Variants in CELSR3 observed in about 807,000 individuals in gnomAD.
CELSR3 encodes EGF-like protein 1.
CELSR3 carries 73 observed loss-of-function variants against 270.0 expected under a neutral mutation model. The observed-to-expected ratio is 0.27, with a 90% CI of 0.22 to 0.33. The LOEUF (loss-of-function observed/expected upper bound fraction) is 0.33, where lower values mean the gene tolerates loss of function less well. Among genes scored for constraint, CELSR3 ranks in the 10% least tolerant of loss-of-function variants. CELSR3 has a pLI of 1.00. For missense variants in CELSR3, 3,614 were observed against 4,533.8 expected (o/e 0.80, Z 5.83); for synonymous variants, 1,780 against 1,905.4 (o/e 0.93, Z 1.71).
chr3:48,644,422 T>A lies in CELSR3; in HGVS notation c.8086-127A>T, dbSNP rs372870418. The A allele has an allele frequency of 1.2e-6, 1 of 817,466 alleles. No homozygotes were observed. Among genetic ancestry groups the A allele is most frequent in the African/African-American group, 1.7e-5 (1 of 58,800 alleles). The allele number at this position is 817,466 out of a possible 1,614,324, so 50.6% of individuals were successfully genotyped here. On this transcript the variant is annotated intron_variant, in intron 26 of 34. Coordinates refer to ENST00000164024, the MANE Select transcript of CELSR3 (RefSeq NM_001407.3). The surrounding 1 kb of genome is among the most constrained non-coding windows in gnomAD (Gnocchi z 4.8). ...AGAACCAGTGAGAAATTCACACATATACACACACACCAAAGGAGCTTAGCA... is the reference window on the plus strand; with the variant it reads ...AGAACCAGTGAGAAATTCACACATAAACACACACACCAAAGGAGCTTAGCA...
In CELSR3 at chr3:48,658,094, T is replaced by C. The variant is rs960143426; in HGVS notation, c.3749-746A>G. Among the ~76,000 whole-genome samples the C allele has an allele frequency of 6.6e-6, 1 of 152,212 alleles. No homozygotes were observed. Among genetic ancestry groups the C allele is most frequent in the African/African-American group, 2.4e-5 (1 of 41,452 alleles). On this transcript the variant is annotated intron_variant, in intron 1 of 34. Transcript: ENST00000164024. This position sits in a 1 kb window ranked among gnomAD's most constrained non-coding sequence, Gnocchi z 4.7. ...AAGGTGAGGTGCTTAGCTGCCTTGT[T>C]CGTCTTGTCCCCACACCCTAGCACA...
Position 48,654,767 on chromosome 3 carries a change from G to A in CELSR3, c.4988+277C>T, listed in dbSNP as rs547771937. On this transcript the variant is annotated intron_variant, in intron 6 of 34. Transcript: ENST00000164024. This position sits in a 1 kb window ranked among gnomAD's most constrained non-coding sequence, Gnocchi z 5.4. Reference sequence around the variant, plus strand: ...GACTGGACATGAGATGAAGGGACTCGGAGGGGATGTGGGACATTAGTGAGA... The same window carrying A: ...GACTGGACATGAGATGAAGGGACTCAGAGGGGATGTGGGACATTAGTGAGA... 2.0e-5 allele frequency among the ~76,000 whole-genome samples: 3 copies of A among 152,064 alleles called. No individual in the cohort carries two copies. The highest frequency in any genetic ancestry group is 4.2e-4 in the South Asian group (2 of 4,816).
rs995615496 is a variant in CELSR3 at position 48,648,894 on chromosome 3, T to A, written c.6602A>T (p.Asp2201Val). The A allele has an allele frequency of 4.3e-6, 7 of 1,612,846 alleles. No homozygotes were observed. The highest frequency in any genetic ancestry group is 5.9e-6 in the Non-Finnish European group (7 of 1,180,008). ...AGCCAGCTTCTTGGCCTCCATGGTA[T>A]CCAGTGCCGTCTTGTTCAGCTCTAG... Reference protein sequence around the residue: ...DGLELNKTALDTMEAKKLAQR... With the variant: ...DGLELNKTALVTMEAKKLAQR... The change falls in exon 18 of 35, where the codon GAT (aspartate) becomes GTT (valine). Residue 2201 changes from aspartate to valine, a missense_variant. Physicochemically the swap from Asp to Val is radical, Grantham distance 152. Coordinates refer to ENST00000164024, the MANE Select transcript of CELSR3 (RefSeq NM_001407.3).
chr3:48,646,357 G>A lies in CELSR3; in HGVS notation c.7296-100C>T. ...ATGCCACTCGCCAGGGCTGACCCAGGGTCTGGGATGTCCCCAGAGTGGAAG... is the reference window on the plus strand; with the variant it reads ...ATGCCACTCGCCAGGGCTGACCCAGAGTCTGGGATGTCCCCAGAGTGGAAG... On this transcript the variant is annotated intron_variant, in intron 21 of 34. Coordinates refer to ENST00000164024, the MANE Select transcript of CELSR3 (RefSeq NM_001407.3). The surrounding 1 kb of genome is among the most constrained non-coding windows in gnomAD (Gnocchi z 4.8). 1 of 1,270,478 alleles carries A rather than the reference G, an allele frequency of 7.9e-7. No individual in the cohort carries two copies. Among genetic ancestry groups the A allele is most frequent in the South Asian group, 1.5e-5 (1 of 66,738 alleles). The allele number at this position is 1,270,478 out of a possible 1,614,324, so 78.7% of individuals were successfully genotyped here.
At chr3:48,649,958 C>T (rs555536880) in intron 16 of CELSR3, among the ~76,000 whole-genome samples, 7 of 151,082 alleles carry the variant, frequency 4.6e-5, no homozygotes, top group Admixed American at 4.6e-4. Flanking sequence ...TGGGGAGGGG[C>T]CCCCAAGCAG....
rs1391091661 is a variant in CELSR3 at position 48,641,489 on chromosome 3, C to A, written c.8860G>T (p.Ala2954Ser). ...GGGGCTGCCTCGCACTCCCCCAGGG[C>A]TGGCCAGTAGGACAGGAGGTCATTG... ...DGNDLLSYWPALGECEAAPCA... is the reference protein window; with the variant it reads ...DGNDLLSYWPSLGECEAAPCA... Residue 2954 changes from alanine (A) to serine (S), a missense_variant, in exon 33 of 35, where the codon GCC becomes TCC. Transcript: ENST00000164024. This position sits in a 1 kb window ranked among gnomAD's most constrained non-coding sequence, Gnocchi z 4.8. 1 of 1,612,354 alleles carries A rather than the reference C, an allele frequency of 6.2e-7. No homozygotes were observed.
rs1276809715 is a variant in CELSR3 at position 48,640,181 on chromosome 3, G to T, written c.9404C>A (p.Ala3135Asp). 6.2e-7 allele frequency: 1 copy of T among 1,612,614 alleles called. No homozygotes were observed. Among genetic ancestry groups the T allele is most frequent in the Non-Finnish European group, 8.5e-7 (1 of 1,179,964 alleles). Residue 3135 changes from alanine (A) to aspartate (D), a missense_variant, in exon 34 of 35, where the codon GCT becomes GAT. Around this residue, in one of 7 missense-constraint regions of CELSR3, gnomAD observed 1,240 missense variants for 1,351.7 expected, o/e 0.92. Coordinates refer to ENST00000164024, the MANE Select transcript of CELSR3 (RefSeq NM_001407.3). The surrounding 1 kb of genome is among the most constrained non-coding windows in gnomAD (Gnocchi z 7.5). ...QPPRDYPGAM[A>D]GRFGSRDALD... Reference sequence around the variant, plus strand: ...CGCATCCCGTGACCCGAAGCGGCCAGCCATGGCGCCAGGGTAGTCCCGAGG... The same window carrying T: ...CGCATCCCGTGACCCGAAGCGGCCATCCATGGCGCCAGGGTAGTCCCGAGG...
rs570034417 is a variant in CELSR3 at position 48,641,032 on chromosome 3, G to T, written c.9025+292C>A. On this transcript the variant is annotated intron_variant, in intron 33 of 34. Transcript: ENST00000164024. The surrounding 1 kb of genome is among the most constrained non-coding windows in gnomAD (Gnocchi z 4.8). Reference sequence around the variant, plus strand: ...AGAGCACGGGCTCTGGGATCTGGGTGGGGGGCAGGGGGAAGCAGCTCCTAG... The same window carrying T: ...AGAGCACGGGCTCTGGGATCTGGGTTGGGGGCAGGGGGAAGCAGCTCCTAG... 94 of 436,432 alleles carry T rather than the reference G, an allele frequency of 2.2e-4. No individual in the cohort carries two copies. The highest frequency in any genetic ancestry group is 1.5e-3 in the African/African-American group (75 of 49,414). 27.0% of individuals were successfully genotyped at this position (436,432 alleles called of 1,614,324 possible).
Position 48,658,491 on chromosome 3 carries a change from C to T in CELSR3, c.3748+396G>A, listed in dbSNP as rs563236440. Among the ~76,000 whole-genome samples the T allele has an allele frequency of 6.6e-6, 1 of 152,308 alleles. No homozygotes were observed. Among genetic ancestry groups the T allele is most frequent in the African/African-American group, 2.4e-5 (1 of 41,558 alleles). ...TCATTTCCTGCACAGATAGGGTAAG[C>T]GTCAGACTGGACCCAAAGTAACCCT... is the stretch of plus-strand genomic sequence containing the variant. On this transcript the variant is annotated intron_variant, in intron 1 of 34. Transcript: ENST00000164024. This position sits in a 1 kb window ranked among gnomAD's most constrained non-coding sequence, Gnocchi z 4.7.
At position 48,652,159 on chromosome 3, in the gene CELSR3, C is replaced by T; in HGVS notation, c.5752-111G>A. ...ATCCTTGACATGCAGTCTTCTGATA[C>T]CCTCAAAAAACCCAGGCCTCAAAAA... On this transcript the variant is annotated intron_variant, in intron 11 of 34. Coordinates refer to ENST00000164024, the MANE Select transcript of CELSR3 (RefSeq NM_001407.3). This position sits in a 1 kb window ranked among gnomAD's most constrained non-coding sequence, Gnocchi z 4.3. 8.6e-7 allele frequency: 1 copy of T among 1,157,650 alleles called. No homozygotes were observed. Among genetic ancestry groups the T allele is most frequent in the Non-Finnish European group, 1.2e-6 (1 of 848,448 alleles). The allele number at this position is 1,157,650 out of a possible 1,614,324, so 71.7% of individuals were successfully genotyped here.
Position 48,658,813 on chromosome 3 carries a change from G to T in CELSR3, c.3748+74C>A. 1 of 1,545,862 alleles carries T rather than the reference G, an allele frequency of 6.5e-7. No homozygotes were observed. The highest frequency in any genetic ancestry group is 8.8e-7 in the Non-Finnish European group (1 of 1,137,772). On this transcript the variant is annotated intron_variant, in intron 1 of 34. Transcript: ENST00000164024. This position sits in a 1 kb window ranked among gnomAD's most constrained non-coding sequence, Gnocchi z 4.7. ...AGGCTTAGAAATCCCTCTTTGGTTT[G>T]AGGTGCCCTGTGGAGTCCCTGAGGC...
Position 48,644,173 on chromosome 3 carries a change from C to T in CELSR3, c.8165+43G>A, listed in dbSNP as rs368750927. On this transcript the variant is annotated intron_variant, in intron 27 of 34. Transcript: ENST00000164024. This position sits in a 1 kb window ranked among gnomAD's most constrained non-coding sequence, Gnocchi z 4.8. ...GCCCCAGACCCCACCCAGGAGGGAC[C>T]TGCCATCCTGAGAAGCCCCCTTCCT... 475 of 1,564,540 alleles carry T rather than the reference C, an allele frequency of 3.0e-4. 1 individual carries two copies. The highest frequency in any genetic ancestry group is 3.3e-4 in the Non-Finnish European group (376 of 1,138,690).
chr3:48,652,475 C>A lies in CELSR3; in HGVS notation c.5713G>T (p.Ala1905Ser). 4 of 1,613,890 alleles carry A rather than the reference C, an allele frequency of 2.5e-6. No individual in the cohort carries two copies. Among genetic ancestry groups the A allele is most frequent in the Non-Finnish European group, 3.4e-6 (4 of 1,179,992 alleles). ...LHVGGLPPGS[A>S]EEAPQGLVGC... ...ACCAGACCCTGAGGAGCCTCCTCTG[C>A]ACTGCCGGGGGGCAGGCCTCCCACG... Residue 1905 changes from alanine to serine, a missense_variant, in exon 11 of 35, where the codon GCA becomes TCA. Physicochemically the swap from Ala to Ser is moderately conservative, Grantham distance 99. Around this residue, in one of 7 missense-constraint regions of CELSR3, gnomAD observed 1,331 missense variants for 1,933.7 expected, o/e 0.69. Coordinates refer to ENST00000164024, the MANE Select transcript of CELSR3 (RefSeq NM_001407.3). This position sits in a 1 kb window ranked among gnomAD's most constrained non-coding sequence, Gnocchi z 4.3.
chr3:48,662,378 A>G lies in CELSR3; in HGVS notation c.257T>C (p.Val86Ala). The G allele has an allele frequency of 6.2e-7, 1 of 1,612,768 alleles. No individual in the cohort carries two copies. Among genetic ancestry groups the G allele is most frequent in the Non-Finnish European group, 8.5e-7 (1 of 1,179,938 alleles). The change falls in exon 1 of 35, where the codon GTG (valine) becomes GCG (alanine). Residue 86 changes from valine to alanine, a missense_variant. Physicochemically the swap from Val to Ala is moderately conservative, Grantham distance 64 (BLOSUM62 0). Transcript: ENST00000164024. The surrounding 1 kb of genome is among the most constrained non-coding windows in gnomAD (Gnocchi z 7.1). ...GCTTTGCCTTCTCCCTCGGAGCCCC[A>G]CGAAGATAGGCTCCCTGACCCCCAG... ...PGLGVREPIF[V>A]GLRGRRQSAR...
rs777769871 is a variant in CELSR3 at position 48,651,508 on chromosome 3, T to A, written c.6066-29A>T. The stretch of plus-strand genomic sequence containing the variant: ...GGGGTGCAGAGCCAGGTAAGATGCC[T>A]CCACGGTATCCCAGTGACCCTCCCT... On this transcript the variant is annotated intron_variant, in intron 13 of 34. Transcript: ENST00000164024. The surrounding 1 kb of genome is among the most constrained non-coding windows in gnomAD (Gnocchi z 7.4). The A allele has an allele frequency of 6.2e-7, 1 of 1,611,694 alleles. No individual in the cohort carries two copies. The highest frequency in any genetic ancestry group is 1.3e-5 in the African/African-American group (1 of 74,990).
At position 48,645,777 on chromosome 3, in the gene CELSR3, T is replaced by C. The variant is rs1393931114; in HGVS notation, c.7555A>G (p.Thr2519Ala). 2 of 1,611,816 alleles carry C rather than the reference T, an allele frequency of 1.2e-6. No individual in the cohort carries two copies. The highest frequency in any genetic ancestry group is 4.5e-5 in the East Asian group (2 of 44,828). The change falls in exon 23 of 35, where the codon ACC becomes GCC. Residue 2519 changes from threonine to alanine, a missense_variant. Thr to Ala is a moderately conservative substitution (Grantham distance 58). Around this residue, in one of 7 missense-constraint regions of CELSR3, gnomAD observed 1,240 missense variants for 1,351.7 expected, o/e 0.92. Coordinates refer to ENST00000164024, the MANE Select transcript of CELSR3 (RefSeq NM_001407.3). The surrounding 1 kb of genome is among the most constrained non-coding windows in gnomAD (Gnocchi z 5.4). ...GAGGCATCCATGAGGACCCCAAAGGTCCCTGTCCGGCTGCAGCGACACCGT... is the reference window on the plus strand; with the variant it reads ...GAGGCATCCATGAGGACCCCAAAGGCCCCTGTCCGGCTGCAGCGACACCGT... The part of the protein sequence containing the change: ...HARCRCSRTG[T>A]FGVLMDASPR...
chr3:48,639,808 G>A lies in CELSR3; in HGVS notation c.9777C>T (p.Ser3259=). Residue 3259 remains serine (S), a synonymous_variant, in exon 34 of 35, where the codon TCC becomes TCT. Coordinates refer to ENST00000164024, the MANE Select transcript of CELSR3 (RefSeq NM_001407.3). This position sits in a 1 kb window ranked among gnomAD's most constrained non-coding sequence, Gnocchi z 4.1. The stretch of plus-strand genomic sequence containing the variant: ...AGGGTGTGCTTGAAGATTGCACAGA[G>A]GAGAGGGCCGAGGAGTTGAAAGAGG... ...ILASFNSSAL[S]SVQSSSTPLG... The A allele has an allele frequency of 6.2e-7, 1 of 1,613,930 alleles. No homozygotes were observed.
At position 48,639,298 on chromosome 3, in the gene CELSR3, C is replaced by G. The variant is rs1157614303; in HGVS notation, c.9911+376G>C. ...TGTCCTATATGACCCCCTAGGCGAA[C>G]CTTCCCAAGCAAGGCCTCCTGCTCT... On this transcript the variant is annotated intron_variant, in intron 34 of 34. Transcript: ENST00000164024. This position sits in a 1 kb window ranked among gnomAD's most constrained non-coding sequence, Gnocchi z 4.1. 6.6e-6 allele frequency among the ~76,000 whole-genome samples: 1 copy of G among 152,192 alleles called. No homozygotes were observed. Among genetic ancestry groups the G allele is most frequent in the East Asian group, 1.9e-4 (1 of 5,190 alleles).
rs763674063 is a variant in CELSR3, at chr3:48,662,276, C to T, written c.359G>A (p.Ser120Asn). Residue 120 changes from serine to asparagine, a missense_variant, in exon 1 of 35, where the codon AGC becomes AAC. Ser to Asn is a conservative substitution (Grantham distance 46). Transcript: ENST00000164024. The surrounding 1 kb of genome is among the most constrained non-coding windows in gnomAD (Gnocchi z 7.1). Reference sequence around the variant, plus strand: ...TCCCTGTCCTGTCTCTCGTTCGCGGCTGCCCAATGGCTGGACGCCGTGTTC... The same window carrying T: ...TCCCTGTCCTGTCTCTCGTTCGCGGTTGCCCAATGGCTGGACGCCGTGTTC... ...GIEHGVQPLG[S>N]RERETGQGPG... 1 of 1,613,114 alleles carries T rather than the reference C, an allele frequency of 6.2e-7. No individual in the cohort carries two copies. Among genetic ancestry groups the T allele is most frequent in the Non-Finnish European group, 8.5e-7 (1 of 1,180,038 alleles).
Sources: gnomAD v4.1 joint callset for allele counts (sites outside exome capture counted in the v4.1 genomes callset) on GRCh38, gnomAD v4.1.1 for gene constraint, gnomAD v4.1.1 regional missense constraint, Gnocchi (gnomAD v3.1) non-coding constraint, MANE v1.5 for transcripts, NCBI Gene and HGNC (gene_info 2026-07-23, HGNC 2026-07-21) for gene names.